The following EHHADH variants were observed in gnomAD, a reference collection of about 807,000 sequenced individuals.
EHHADH encodes peroxisomal bifunctional enzyme.
A neutral mutation model predicts 64.4 loss-of-function variants in EHHADH; 48 were observed. That is an observed-to-expected ratio of 0.75 (90% CI 0.59 to 0.95). EHHADH has a LOEUF of 0.95. Among genes scored for constraint, EHHADH ranks in the 40% least tolerant of loss-of-function variants. EHHADH has a pLI of 0.00. For synonymous variants in EHHADH, 308 were observed against 326.7 expected, an observed-to-expected ratio of 0.94 and a Z score of 0.62; for missense variants, 854 against 876.6, an observed-to-expected ratio of 0.97 and a Z score of 0.33.
chr3:185,219,736 T>A (rs556394942), intron 4 of EHHADH, among the ~76,000 whole-genome samples: 212 of 152,314 alleles, frequency 1.4e-3, no homozygotes, highest in African/African-American at 4.9e-3. Flanking sequence ...TCCATCTTGG[T>A]GGCAACAGTC....
At position 185,193,158 on chromosome 3, in the gene EHHADH, C is replaced by A; in HGVS notation, c.1240G>T (p.Asp414Tyr). The change falls in exon 7 of 7, where the codon GAT becomes TAT. Residue 414 changes from aspartate (D) to tyrosine (Y), a missense_variant. Transcript: ENST00000231887. ...GTGGAAGAAGCAATCTCATCAACATCCAGGGCTGAAGTATTAGTGCACAAA... is the reference window on the plus strand; with the variant it reads ...GTGGAAGAAGCAATCTCATCAACATACAGGGCTGAAGTATTAGTGCACAAA... ...AFLCTNTSALDVDEIASSTDR... is the reference protein window; with the variant it reads ...AFLCTNTSALYVDEIASSTDR... 6.2e-7 allele frequency: 1 copy of A among 1,613,228 alleles called. No homozygotes were observed. Among genetic ancestry groups the A allele is most frequent in the African/African-American group, 1.3e-5 (1 of 75,010 alleles).
intron 2 of EHHADH, among the ~76,000 whole-genome samples, chr3:185,238,315 T>C (rs1719354692): frequency 1.3e-5 from 2 of 152,214 alleles, no homozygotes; most frequent in African/African-American, 4.8e-5. Context: ...CTGTTTTTAA[T>C]TCTTTGAGAA....
chr3:185,203,426 T>C lies in EHHADH; in HGVS notation c.910+990A>G, dbSNP rs148797986. Among the ~76,000 whole-genome samples, 518 of 152,284 alleles carry C rather than the reference T, an allele frequency of 3.4e-3. 6 individuals carry two copies. The highest frequency in any genetic ancestry group is 0.011 in the African/African-American group (471 of 41,552). Reference sequence around the variant, plus strand: ...GAAAGTTGATGCTTTTAGTAAACTATGGACCCTCTCCCCAGAAGATTGTAC... The same window carrying C: ...GAAAGTTGATGCTTTTAGTAAACTACGGACCCTCTCCCCAGAAGATTGTAC... On this transcript the variant is annotated intron_variant, in intron 6 of 6. Coordinates refer to ENST00000231887, the MANE Select transcript of EHHADH (RefSeq NM_001966.4).
chr3:185,192,088 T>C lies in EHHADH; in HGVS notation c.*138A>G, dbSNP rs1717885649. The C allele has an allele frequency of 9.7e-7, 1 of 1,031,610 alleles. No individual in the cohort carries two copies. The highest frequency in any genetic ancestry group is 1.4e-6 in the Non-Finnish European group (1 of 715,622). The allele number at this position is 1,031,610 out of a possible 1,614,324, so 63.9% of individuals were successfully genotyped here. ...CTAAAGATTTGACCATTAGAGTCGT[T>C]ACACAGAAGATTCTAATGATTATTT... On this transcript the variant is annotated 3_prime_UTR_variant, in exon 7 of 7. Transcript: ENST00000231887.
chr3:185,247,670 T>A (rs553630394), intron 2 of EHHADH, among the ~76,000 whole-genome samples: 43 of 152,216 alleles, frequency 2.8e-4, no homozygotes, highest in Non-Finnish European at 5.0e-4. Flanking sequence ...CATCTGTGTC[T>A]TTTCAGACTA....
intron 2 of EHHADH, chr3:185,246,448 G>A (rs570566173): frequency 1.5e-5 from 7 of 457,244 alleles, no homozygotes; most frequent in Admixed American, 8.8e-5. Context: ...ATATGGATGC[G>A]ATTCCAGTGG....
Position 185,192,782 on chromosome 3 carries a change from A to G in EHHADH, c.1616T>C (p.Leu539Pro), listed in dbSNP as rs754945220. Residue 539 changes from leucine to proline, a missense_variant, in exon 7 of 7, where the codon CTT (leucine) becomes CCT (proline). Transcript: ENST00000231887. ...VGWKSRKGQGLTGPTLLPGTP... is the reference protein window; with the variant it reads ...VGWKSRKGQGPTGPTLLPGTP... The stretch of plus-strand genomic sequence containing the variant: ...TCCTGGAAGCAATGTAGGTCCAGTA[A>G]GACCTTGCCCCTTTCTAGATTTCCA... 1.2e-6 allele frequency: 2 copies of G among 1,614,096 alleles called. No homozygotes were observed. Among genetic ancestry groups the G allele is most frequent in the Non-Finnish European group, 8.5e-7 (1 of 1,180,022 alleles).
chr3:185,253,984 TAGC>T lies in EHHADH; in HGVS notation c.36_38del (p.Leu13del). On this transcript the variant is annotated inframe_deletion, in exon 1 of 7. Coordinates refer to ENST00000231887, the MANE Select transcript of EHHADH (RefSeq NM_001966.4). ...TGACCGGCGGGTTTCGGAGGCGGAT[TAGC>T]GCCAAGGCGTTGTGCAGCCGCGTAT... is the stretch of plus-strand genomic sequence containing the variant. 1 of 1,613,914 alleles carries T rather than the reference TAGC, an allele frequency of 6.2e-7. No homozygotes were observed. Among genetic ancestry groups the T allele is most frequent in the African/African-American group, 1.3e-5 (1 of 75,024 alleles).
At chr3:185,226,461 C>T (rs62288663) in intron 4 of EHHADH, among the ~76,000 whole-genome samples, 2 of 151,942 alleles carry the variant, frequency 1.3e-5, no homozygotes, top group Admixed American at 6.6e-5. Flanking sequence ...CCAGCCTGGC[C>T]AACATGGTGA....
intron 5 of EHHADH, among the ~76,000 whole-genome samples, chr3:185,205,149 T>C (rs1056143836): frequency 8.6e-5 from 13 of 151,842 alleles, no homozygotes; most frequent in Non-Finnish European, 1.8e-4. Context: ...TCTGAGTTAA[T>C]ATTTTATTTA....
chr3:185,242,388 G>A (rs1489527717), intron 2 of EHHADH, among the ~76,000 whole-genome samples: 1 of 152,106 alleles, frequency 6.6e-6, no homozygotes, highest in Admixed American at 6.5e-5. Context: ...GAACAAATCT[G>A]GAGGCATCAC....
At position 185,191,539 on chromosome 3, in the gene EHHADH, G is replaced by A. The variant is rs1717867967; in HGVS notation, c.*687C>T. The stretch of plus-strand genomic sequence containing the variant: ...TTTCAAGATTCAACCATTTCCATAT[G>A]TAACATCACAGAGGCTTGTCATGAC... On this transcript the variant is annotated 3_prime_UTR_variant, in exon 7 of 7. Transcript: ENST00000231887. 1 of 152,162 alleles carries A rather than the reference G, an allele frequency of 6.6e-6. No individual in the cohort carries two copies. Among genetic ancestry groups the A allele is most frequent in the Non-Finnish European group, 1.5e-5 (1 of 68,038 alleles). 9.4% of individuals were successfully genotyped at this position (152,162 alleles called of 1,614,324 possible). A position where few individuals can be genotyped will look rare whatever the true frequency, so the allele number is the denominator to read the frequency against.
intron 3 of EHHADH, among the ~76,000 whole-genome samples, chr3:185,234,892 T>C (rs1041675127): frequency 1.3e-5 from 2 of 152,106 alleles, no homozygotes; most frequent in Non-Finnish European, 2.9e-5. Flanking sequence ...TTCAAAATTA[T>C]CACCTCTGGG....
At chr3:185,224,462 C>T (rs1324544872) in intron 4 of EHHADH, among the ~76,000 whole-genome samples, 1 of 132,144 alleles carries the variant, frequency 7.6e-6, no homozygotes, top group Non-Finnish European at 1.5e-5. Context: ...GATCGTGCCA[C>T]TGTACTCCAG....
At chr3:185,194,799 T>TAAAAAAAAAAAAAA (rs1718011616) in intron 6 of EHHADH, among the ~76,000 whole-genome samples, 1 of 1,814 alleles carries the variant, frequency 5.5e-4, no homozygotes, top group Non-Finnish European at 3.4e-3. Flanking sequence ...AGACCCTGTC[T>TAAAAAAAAAAAAAA]CAAAAAAAAA....
intron 5 of EHHADH, among the ~76,000 whole-genome samples, chr3:185,213,817 T>C (rs1718612171): frequency 6.6e-6 from 1 of 150,562 alleles, no homozygotes; most frequent in African/African-American, 2.4e-5. Context: ...GAAGAGGAGA[T>C]TGCAGTGAGC....
chr3:185,219,329 C>T (rs1006104493), intron 4 of EHHADH, among the ~76,000 whole-genome samples: 2 of 152,108 alleles, frequency 1.3e-5, no homozygotes, highest in Non-Finnish European at 1.5e-5. Context: ...GGCCCATGAC[C>T]CCAGTTAGTG....
At chr3:185,238,460 T>G (rs1719359251) in intron 2 of EHHADH, among the ~76,000 whole-genome samples, 1 of 152,178 alleles carries the variant, frequency 6.6e-6, no homozygotes, top group Non-Finnish European at 1.5e-5. Context: ...CTAAGTGGTG[T>G]GAGATATCTC....
chr3:185,204,001 A>G (rs1718301410), intron 6 of EHHADH, among the ~76,000 whole-genome samples: 1 of 151,946 alleles, frequency 6.6e-6, no homozygotes, highest in South Asian at 2.1e-4. Context: ...TTATCTGGGC[A>G]TGGTGGCAGT....
Sources: allele counts gnomAD v4.1 joint callset (sites outside exome capture counted in the v4.1 genomes callset), GRCh38; gene constraint gnomAD v4.1.1; transcripts MANE v1.5; gene names NCBI Gene and HGNC (gene_info 2026-07-23, HGNC 2026-07-21).